The following TMEM135 variants were observed in gnomAD, a reference collection of about 807,000 sequenced individuals.
TMEM135 encodes transmembrane protein 135.
In TMEM135, 30 loss-of-function variants were observed where a neutral mutation model predicts 60.3. The ratio of observed to expected loss-of-function variants is 0.50; its 90% CI spans 0.37 to 0.68. TMEM135 has a LOEUF of 0.68. TMEM135 is among the 30% of genes least tolerant of loss of function. The pLI, the probability that TMEM135 is intolerant of heterozygous loss-of-function variation, is 0.00. For synonymous variants in TMEM135, 190 were observed against 186.7 expected (o/e 1.02, Z -0.14); for missense variants, 468 against 548.8 (o/e 0.85, Z 1.47).
intron 6 of TMEM135, among the ~76,000 whole-genome samples, chr11:87,289,703 G>A (rs188967278): frequency 1.9e-4 from 29 of 152,074 alleles, no homozygotes; most frequent in Non-Finnish European, 3.5e-4. Context: ...TAATCCGCCC[G>A]CCTTGGCTTC....
chr11:87,211,277 A>G (rs1215206418), intron 5 of TMEM135, among the ~76,000 whole-genome samples: 1 of 152,220 alleles, frequency 6.6e-6, no homozygotes, highest in Non-Finnish European at 1.5e-5. Flanking sequence ...TTTCATATGA[A>G]TATCCTCATT....
At chr11:87,046,150 A>G (rs1949793763) in intron 1 of TMEM135, among the ~76,000 whole-genome samples, 1 of 152,244 alleles carries the variant, frequency 6.6e-6, no homozygotes, top group African/African-American at 2.4e-5. Context: ...TCATGCCTGT[A>G]ATACCAGCAT....
chr11:87,111,240 ATT>A (rs1447244164), intron 4 of TMEM135, among the ~76,000 whole-genome samples: 1 of 151,830 alleles, frequency 6.6e-6, no homozygotes, highest in Admixed American at 6.6e-5. Context: ...ATTTAAAGGG[ATT>A]TTTTTGTTTC....
At chr11:87,132,571 CTT>C (rs1235106616) in intron 4 of TMEM135, among the ~76,000 whole-genome samples, 1 of 152,100 alleles carries the variant, frequency 6.6e-6, no homozygotes, top group Non-Finnish European at 1.5e-5. Flanking sequence ...AGTCTTGACT[CTT>C]TTAATATGCT....
At chr11:87,242,777 A>G (rs9737200) in intron 6 of TMEM135, among the ~76,000 whole-genome samples, 67,577 of 119,128 alleles carry the variant, frequency 0.57, 17,564 homozygotes, top group Non-Finnish European at 0.62. Flanking sequence ...AGTAGGTTGC[A>G]AAAATTTTCT....
rs1261365004 is a variant in TMEM135 at position 87,280,753 on chromosome 11, C to T, written c.510-15029C>T. On this transcript the variant is annotated intron_variant, in intron 6 of 14. Transcript: ENST00000305494. Reference sequence around the variant, plus strand: ...CAATGGCTGTCCTCAGCACTTGCAACCTGCCTGGCACATTGTCAACTCTTT... The same window carrying T: ...CAATGGCTGTCCTCAGCACTTGCAATCTGCCTGGCACATTGTCAACTCTTT... 2.6e-5 allele frequency among the ~76,000 whole-genome samples: 4 copies of T among 152,246 alleles called. No homozygotes were observed. The East Asian group carries it at 7.7e-4, about 29-fold the overall frequency.
At chr11:87,310,402 T>C (rs1236288686) in intron 10 of TMEM135, among the ~76,000 whole-genome samples, 1 of 151,994 alleles carries the variant, frequency 6.6e-6, no homozygotes, top group Non-Finnish European at 1.5e-5. Context: ...AATCTCTAAA[T>C]GGTAAAGTGT....
At chr11:87,084,054 A>C (rs1013395798) in intron 3 of TMEM135, among the ~76,000 whole-genome samples, 5 of 152,120 alleles carry the variant, frequency 3.3e-5, no homozygotes. Flanking sequence ...CCTCTTGTGA[A>C]GTGTGATATG....
intron 6 of TMEM135, among the ~76,000 whole-genome samples, chr11:87,271,136 C>T (rs559599353): frequency 6.6e-6 from 1 of 152,164 alleles, no homozygotes; most frequent in South Asian, 2.1e-4. Flanking sequence ...GTGATTGCTG[C>T]CTTCTTGACT....
chr11:87,116,300 A>T (rs1857878069), intron 4 of TMEM135, among the ~76,000 whole-genome samples: 1 of 152,210 alleles, frequency 6.6e-6, no homozygotes, highest in Non-Finnish European at 1.5e-5. Flanking sequence ...TAAGAAAGCG[A>T]TGATATTGAA....
At chr11:87,267,168 G>A (rs535425482) in intron 6 of TMEM135, among the ~76,000 whole-genome samples, 11 of 152,240 alleles carry the variant, frequency 7.2e-5, no homozygotes, top group African/African-American at 2.4e-4. Context: ...GTGAGGTCTA[G>A]TTATACATTC....
At chr11:87,158,460 T>C (rs966064808) in intron 5 of TMEM135, among the ~76,000 whole-genome samples, 2 of 135,878 alleles carry the variant, frequency 1.5e-5, no homozygotes, top group Non-Finnish European at 3.1e-5. Flanking sequence ...ATCACCTTGG[T>C]ATAATTTTTT....
rs188649072 is a variant in TMEM135 at position 87,293,438 on chromosome 11, T to G, written c.510-2344T>G. ...AGATACATGTGCAGAACATGCAGGT[T>G]TGTTACATACGTATACGTGTGCCAT... On this transcript the variant is annotated intron_variant, in intron 6 of 14. Coordinates refer to ENST00000305494, the MANE Select transcript of TMEM135 (RefSeq NM_022918.4). 6.6e-5 allele frequency among the ~76,000 whole-genome samples: 10 copies of G among 152,218 alleles called. No individual in the cohort carries two copies. The East Asian group carries it at 1.9e-3, about 29-fold the overall frequency.
At chr11:87,247,724 G>A (rs543794721) in intron 6 of TMEM135, among the ~76,000 whole-genome samples, 1 of 152,278 alleles carries the variant, frequency 6.6e-6, no homozygotes, top group South Asian at 2.1e-4. Context: ...CAGTATTAGG[G>A]TGGGAGTGAC....
In TMEM135 at chr11:87,157,206, A is replaced by C. The variant is rs1337617182; in HGVS notation, c.397-135A>C. The stretch of plus-strand genomic sequence containing the variant: ...GTAGCTAGGACTATAGGCATATACA[A>C]CTTATTGATCGTTCTCTAGAAGTTG... On this transcript the variant is annotated intron_variant, in intron 4 of 14. Coordinates refer to ENST00000305494, the MANE Select transcript of TMEM135 (RefSeq NM_022918.4). The C allele has an allele frequency of 1.3e-5, 10 of 790,892 alleles. No individual in the cohort carries two copies. The East Asian group carries it at 2.6e-4, about 21-fold the overall frequency. The allele number at this position is 790,892 out of a possible 1,614,324, so 49.0% of individuals were successfully genotyped here.
intron 4 of TMEM135, among the ~76,000 whole-genome samples, chr11:87,124,929 T>A (rs1346574185): frequency 6.6e-6 from 1 of 152,186 alleles, no homozygotes; most frequent in Non-Finnish European, 1.5e-5. Context: ...AAAATGCTGT[T>A]AGGGTAAATA....
chr11:87,119,365 T>C (rs1031742207), intron 4 of TMEM135, among the ~76,000 whole-genome samples: 5 of 152,192 alleles, frequency 3.3e-5, no homozygotes, highest in African/African-American at 1.2e-4. Flanking sequence ...CTGTCTTATA[T>C]GGTTTGCAGT....
chr11:87,202,483 G>A (rs1453378379), intron 5 of TMEM135, among the ~76,000 whole-genome samples: 1 of 151,880 alleles, frequency 6.6e-6, no homozygotes, highest in Non-Finnish European at 1.5e-5. Flanking sequence ...GCCCTACCGT[G>A]TCCGGTTAAT....
chr11:87,156,138 G>A, intron 4 of TMEM135, among the ~76,000 whole-genome samples: 1 of 152,206 alleles, frequency 6.6e-6, no homozygotes, highest in East Asian at 1.9e-4. Flanking sequence ...GCACTCAATA[G>A]TCTTATTACC....
Sources: allele counts gnomAD v4.1 joint callset (sites outside exome capture counted in the v4.1 genomes callset), GRCh38; gene constraint gnomAD v4.1.1; transcripts MANE v1.5; gene names NCBI Gene and HGNC (gene_info 2026-07-23, HGNC 2026-07-21).